PRSS56: variants seen among roughly 807,000 people sequenced by gnomAD.
PRSS56 encodes serine protease 56.
Under a neutral mutation model 66.8 loss-of-function variants are expected in PRSS56, and 55 were observed. The ratio of observed to expected loss-of-function variants is 0.82; its 90% confidence interval spans 0.66 to 1.03. The LOEUF (loss-of-function observed/expected upper bound fraction) is 1.03, where lower values mean the gene tolerates loss of function less well. Among genes scored for constraint, PRSS56 ranks in the 50% least tolerant of loss-of-function variants. PRSS56 has a pLI of 0.00. For missense variants in PRSS56, 869 were observed against 837.2 expected (o/e 1.04, Z -0.47); for synonymous variants, 409 against 387.9 (o/e 1.05, Z -0.64).
chr2:232,525,111 GTCTAGGTGAGAGTTTC>G (rs1353975083), intron 12 of PRSS56, 89 bp from the exon 13 acceptor site: 1 of 1,164,598 alleles, frequency 8.6e-7, no homozygotes, highest in African/African-American at 1.6e-5. Flanking sequence ...GGGTTTCCAG[GTCTAGGTGAGAGTTTC>G]TGGGGCCCAG....
chr2:232,524,354 C>G lies in PRSS56; in HGVS notation c.1399C>G (p.Arg467Gly). 6.5e-7 allele frequency: 1 copy of G among 1,535,492 alleles called. No homozygotes were observed. Among genetic ancestry groups the G allele is most frequent in the East Asian group, 2.4e-5 (1 of 40,894 alleles). ...GTTCCCGAAGCGGAGGCCGGAGCCG[C>G]GCGGAGAAGCCAACGGTAATGACGC... Reference protein sequence around the residue: ...TRFPKRRPEPRGEANGCPGLE... With the variant: ...TRFPKRRPEPGGEANGCPGLE... Residue 467 changes from arginine (R) to glycine (G), a missense_variant, in exon 11 of 13, where the codon CGC (arginine) becomes GGC (glycine). Coordinates refer to ENST00000617714, the MANE Select transcript of PRSS56 (RefSeq NM_001195129.2).
rs1490678183 is a variant in PRSS56, at chr2:232,522,125, C to T, written c.411C>T (p.Ala137=). The change falls in exon 4 of 13, where the codon GCC becomes GCT. Residue 137 remains alanine, a synonymous_variant. Coordinates refer to ENST00000617714, the MANE Select transcript of PRSS56 (RefSeq NM_001195129.2). ...QPLCGGVLVA[A]SWVLTAAHCF... is the part of the protein sequence containing the mutation. ...TGTGCGGCGGCGTCCTGGTAGCGGC[C>T]TCCTGGGTGCTCACGGCAGCGCACT... The T allele has an allele frequency of 2.6e-6, 4 of 1,517,150 alleles. No individual in the cohort carries two copies. Among genetic ancestry groups the T allele is most frequent in the Non-Finnish European group, 3.5e-6 (4 of 1,139,334 alleles). The allele number at this position is 1,517,150 out of a possible 1,614,324, so 94.0% of individuals were successfully genotyped here. A position where few individuals can be genotyped will look rare whatever the true frequency, so the allele number is the denominator to read the frequency against.
chr2:232,523,630 T>C, intron 8 of PRSS56, 52 bp downstream of exon 8: 1 of 1,503,620 alleles, frequency 6.7e-7, no homozygotes, highest in African/African-American at 1.4e-5. Context: ...CGGACAACCG[T>C]GGGACAAGCC....
intron 4 of PRSS56, 99 bp downstream of exon 4, chr2:232,522,259 C>T (rs2573204): frequency 8.7e-7 from 1 of 1,147,030 alleles, no homozygotes; most frequent in African/African-American, 1.6e-5. Flanking sequence ...AAGGTGGTCT[C>T]TGCTGCCCCC....
chr2:232,523,973 G>T (rs1230971417), intron 9 of PRSS56, 28 bp downstream of exon 9: 5 of 1,519,250 alleles, frequency 3.3e-6, no homozygotes, highest in East Asian at 5.1e-5. Context: ...GGACCCGGAC[G>T]GGGGGCAGAG....
intron 8 of PRSS56, 21 bp from the exon 9 acceptor site, chr2:232,523,750 AC>A (rs1691336242): frequency 6.5e-7 from 1 of 1,533,330 alleles, no homozygotes; most frequent in African/African-American, 1.4e-5. Flanking sequence ...GGGTGAGCTG[AC>A]CCCTGTCCCG....
In PRSS56 at chr2:232,520,499, C is replaced by T. The variant is rs556027507; in HGVS notation, c.-100C>T. The T allele has an allele frequency of 1.0e-4, 99 of 946,468 alleles. No homozygotes were observed. In the East Asian group the frequency reaches 1.4e-3, roughly 14 times the overall value. 58.6% of individuals were successfully genotyped at this position (946,468 alleles called of 1,614,324 possible). On this transcript the variant is annotated 5_prime_UTR_variant, in exon 1 of 13. Coordinates refer to ENST00000617714, the MANE Select transcript of PRSS56 (RefSeq NM_001195129.2). Reference sequence around the variant, plus strand: ...GGACAAGAATTCAGTGCCCGGGGGCCGAAAGGCAGCAGAAGGCGGGCACCA... The same window carrying T: ...GGACAAGAATTCAGTGCCCGGGGGCTGAAAGGCAGCAGAAGGCGGGCACCA...
At chr2:232,523,655 C>G in intron 8 of PRSS56, 77 bp downstream of exon 8, 2 of 1,510,538 alleles carry the variant, frequency 1.3e-6, no homozygotes, top group Non-Finnish European at 1.8e-6. Flanking sequence ...TCCACCCGGC[C>G]CATGCCCATT....
intron 2 of PRSS56, 95 bp from the exon 3 acceptor site, chr2:232,521,721 C>G: frequency 7.8e-7 from 1 of 1,281,756 alleles, no homozygotes; most frequent in Non-Finnish European, 1.1e-6. Context: ...GGGCTGAGCG[C>G]GAAAGGAGAG....
rs1574621265 is a variant in PRSS56 at position 232,520,704 on chromosome 2, A to C, written c.97+9A>C. Reference sequence around the variant, plus strand: ...CCCCAGCGCCCTGCAAGGTAAGTCCAGGCTGGCCCGAGAGCCGCGGGGTTG... The same window carrying C: ...CCCCAGCGCCCTGCAAGGTAAGTCCCGGCTGGCCCGAGAGCCGCGGGGTTG... On this transcript the variant is annotated intron_variant, in intron 1 of 12. Coordinates refer to ENST00000617714, the MANE Select transcript of PRSS56 (RefSeq NM_001195129.2). 6.6e-7 allele frequency: 1 copy of C among 1,515,742 alleles called. No homozygotes were observed. The highest frequency in any genetic ancestry group is 2.5e-5 in the East Asian group (1 of 40,450). The allele number at this position is 1,515,742 out of a possible 1,614,324, so 93.9% of individuals were successfully genotyped here.
At position 232,520,671 on chromosome 2, in the gene PRSS56, C is replaced by T. The variant is rs1348336590; in HGVS notation, c.73C>T (p.Arg25Cys). 24 of 1,535,158 alleles carry T rather than the reference C, an allele frequency of 1.6e-5. No homozygotes were observed. The highest frequency in any genetic ancestry group is 4.9e-5 in the East Asian group (2 of 40,904). The change falls in exon 1 of 13, where the codon CGC (arginine) becomes TGC (cysteine). Residue 25 changes from arginine to cysteine, a missense_variant. Coordinates refer to ENST00000617714, the MANE Select transcript of PRSS56 (RefSeq NM_001195129.2). ...WFAHGHPLYT[R>C]LPPSALQVLS... ...TGCCCACGGGCACCCACTGTACACA[C>T]GCCTGCCCCCCAGCGCCCTGCAAGG... is the stretch of plus-strand genomic sequence containing the variant.
At chr2:232,522,230 C>A in intron 4 of PRSS56, 70 bp downstream of exon 4, 1 of 1,308,770 alleles carries the variant, frequency 7.6e-7, no homozygotes, top group Non-Finnish European at 9.9e-7. Context: ...CCGGGTTGTC[C>A]GGCGGGCGAC....
chr2:232,524,256 G>A, intron 10 of PRSS56, 51 bp from the exon 11 acceptor site: 1 of 1,534,868 alleles, frequency 6.5e-7, no homozygotes, highest in Non-Finnish European at 8.7e-7. Flanking sequence ...CACCCGCGCG[G>A]CACAGCCACT....
Position 232,525,543 on chromosome 2 carries a change from C to T in PRSS56, c.*37C>T. The stretch of plus-strand genomic sequence containing the variant: ...GCCCCCAGCCCCTGGGGAGGACCTA[C>T]TGCTCCCAGGGGCTGAGAGGGGTTC... On this transcript the variant is annotated 3_prime_UTR_variant, in exon 13 of 13. Coordinates refer to ENST00000617714, the MANE Select transcript of PRSS56 (RefSeq NM_001195129.2). 1 of 1,220,826 alleles carries T rather than the reference C, an allele frequency of 8.2e-7. No individual in the cohort carries two copies. Among genetic ancestry groups the T allele is most frequent in the Non-Finnish European group, 1.0e-6 (1 of 960,878 alleles). 75.6% of individuals were successfully genotyped at this position (1,220,826 alleles called of 1,614,324 possible).
chr2:232,520,828 G>A (rs1349979538), intron 1 of PRSS56, 133 bp downstream of exon 1: 3 of 599,378 alleles, frequency 5.0e-6, no homozygotes, highest in Non-Finnish European at 5.9e-6. Context: ...CCACCCTGCT[G>A]CGAGAAGGGG....
chr2:232,523,617 C>T (rs1691333983), intron 8 of PRSS56, 39 bp downstream of exon 8: 2 of 1,503,640 alleles, frequency 1.3e-6, no homozygotes, highest in Non-Finnish European at 1.8e-6. Flanking sequence ...CCCAGTGCCC[C>T]AACGGACAAC....
Position 232,522,581 on chromosome 2 carries a change from G to T in PRSS56, c.513G>T (p.Glu171Asp). 6.5e-7 allele frequency: 1 copy of T among 1,535,400 alleles called. No individual in the cohort carries two copies. The highest frequency in any genetic ancestry group is 8.7e-7 in the Non-Finnish European group (1 of 1,146,558). Residue 171 changes from glutamate to aspartate, a missense_variant, in exon 5 of 13, where the codon GAG (glutamate) becomes GAT (aspartate). Glu to Asp is a conservative substitution (Grantham distance 45). Coordinates refer to ENST00000617714, the MANE Select transcript of PRSS56 (RefSeq NM_001195129.2). ...GGTCCCGGGGGGAGCAAGCGGAGGA[G>T]GTGCCAGTGAACCGCATCCTGCCCC... The part of the protein sequence containing the change: ...AEGSRGEQAE[E>D]VPVNRILPHP...
At position 232,524,193 on chromosome 2, in the gene PRSS56, G is replaced by T; in HGVS notation, c.1341G>T (p.Arg447=). 2 of 1,531,332 alleles carry T rather than the reference G, an allele frequency of 1.3e-6. No individual in the cohort carries two copies. Among genetic ancestry groups the T allele is most frequent in the Non-Finnish European group, 1.7e-6 (2 of 1,144,430 alleles). 94.9% of individuals were successfully genotyped at this position (1,531,332 alleles called of 1,614,324 possible). ...ESPLHPAREL[R]LHSGSRAAGT... is the part of the protein sequence containing the mutation. ...CTCTGCACCCCGCCCGGGAGCTGCG[G>T]CTTCACTCAGGTACCCCGCGCCCTC... Residue 447 remains arginine (R), a synonymous_variant, in exon 10 of 13, where the codon CGG becomes CGT. Transcript: ENST00000617714.
intron 4 of PRSS56, 88 bp from the exon 5 acceptor site, chr2:232,522,427 G>T: frequency 8.3e-7 from 1 of 1,209,366 alleles, no homozygotes; most frequent in Non-Finnish European, 1.1e-6. Flanking sequence ...GAGAAAGCCC[G>T]GCATGCGGGC....
Sources: gnomAD v4.1 joint callset for allele counts on GRCh38, gnomAD v4.1.1 for gene constraint, MANE v1.5 for transcripts, NCBI Gene and HGNC (gene_info 2026-07-23, HGNC 2026-07-21) for gene names.